The following GRXCR2 variants were observed in gnomAD, a reference collection of about 807,000 sequenced individuals.
GRXCR2 encodes the protein glutaredoxin domain-containing cysteine-rich protein 2.
A neutral mutation model predicts 24.8 loss-of-function variants in GRXCR2; 23 were observed. The observed-to-expected ratio is 0.93, with a 90% CI of 0.67 to 1.32. GRXCR2 has a LOEUF of 1.32. GRXCR2 is among the 40% of genes most tolerant of loss of function. The pLI is 0.00. For synonymous variants in GRXCR2, 130 were observed against 116.1 expected (o/e 1.12, Z -0.77); for missense variants, 315 against 303.4 (o/e 1.04, Z -0.28).
intron 1 of GRXCR2, among the ~76,000 whole-genome samples, chr5:145,868,252 C>T (rs1036986728): frequency 1.3e-5 from 2 of 152,164 alleles, no homozygotes; most frequent in Non-Finnish European, 2.9e-5. Flanking sequence ...CTACACAACT[C>T]AATACCTCAG....
At chr5:145,884,585 C>T (rs1002954050) in intron 2 of GRXCR2, among the ~76,000 whole-genome samples, 1 of 151,602 alleles carries the variant, frequency 6.6e-6, no homozygotes, top group Non-Finnish European at 1.5e-5. Flanking sequence ...AATATATATG[C>T]CTATATAATA....
chr5:145,901,471 G>T (rs1338763408), intron 2 of GRXCR2, among the ~76,000 whole-genome samples: 1 of 152,180 alleles, frequency 6.6e-6, no homozygotes, highest in African/African-American at 2.4e-5. Flanking sequence ...AATGGTAGGT[G>T]TTAGGAATAC....
In GRXCR2 at chr5:145,909,957, G is replaced by A. The variant is rs147719440; in HGVS notation, c.-70+25744C>T. Among the ~76,000 whole-genome samples the A allele has an allele frequency of 4.7e-4, 71 of 152,182 alleles. No individual in the cohort carries two copies. The East Asian group carries it at 0.012, about 26-fold the overall frequency. On this transcript the variant is annotated intron_variant, in intron 2 of 3. Transcript: ENST00000639411. ...CTAACAGGACAGTACGATCAGACAC[G>A]ATTTCTCCTCTCCTGAAGGCTGGTG...
intron 2 of GRXCR2, among the ~76,000 whole-genome samples, chr5:145,861,018 T>C (rs1167772509): frequency 1.3e-5 from 2 of 151,946 alleles, no homozygotes; most frequent in East Asian, 1.9e-4. Flanking sequence ...TTATAGACTA[T>C]GAACCTTCCC....
Position 145,870,888 on chromosome 5 carries a change from TG to T in GRXCR2, c.336+1744del, listed in dbSNP as rs374136567. Among the ~76,000 whole-genome samples the T allele has an allele frequency of 5.7e-4, 87 of 152,206 alleles. 3 individuals carry two copies. In the South Asian group the frequency reaches 0.017, roughly 30 times the overall value. ...GGCCTCTAAAACACATAGAGTACTGTGTTTTAACCAACTGAGCCATGCTGCC... is the reference window on the plus strand; with the variant it reads ...GGCCTCTAAAACACATAGAGTACTGTTTTTAACCAACTGAGCCATGCTGCC... On this transcript the variant is annotated intron_variant, in intron 1 of 2. Coordinates refer to ENST00000377976, the MANE Select transcript of GRXCR2 (RefSeq NM_001080516.2).
Position 145,911,824 on chromosome 5 carries a change from C to T in GRXCR2, c.-70+23877G>A, listed in dbSNP as rs575585394. Among the ~76,000 whole-genome samples the T allele has an allele frequency of 4.6e-5, 7 of 152,280 alleles. No individual in the cohort carries two copies. The South Asian group carries it at 1.2e-3, about 27-fold the overall frequency. ...GTTCATCTGACCAGGCGCTGTGGCT[C>T]ACACCTGTAATCCCAACAGTTTGGG... On this transcript the variant is annotated intron_variant, in intron 2 of 3. Coordinates refer to the GRXCR2 transcript ENST00000639411.
chr5:145,872,642 A>G lies in GRXCR2; in HGVS notation c.327T>C (p.Asn109=), dbSNP rs1470621649. The change falls in exon 1 of 3, where the codon AAT becomes AAC. Residue 109 remains asparagine, a synonymous_variant. Transcript: ENST00000377976. ...GQPRFNDYKA[N]DHKPLPIIDF... ...CATGCACAATACCAACCTTATGGTC[A>G]TTCGCCTTGTAATCGTTGAACCGAG... The G allele has an allele frequency of 2.5e-6, 4 of 1,599,798 alleles. No individual in the cohort carries two copies. Among genetic ancestry groups the G allele is most frequent in the Non-Finnish European group, 3.4e-6 (4 of 1,170,906 alleles).
chr5:145,858,824 GA>G lies in GRXCR2; in HGVS notation c.*908del, dbSNP rs1173304440. 1.3e-5 allele frequency: 2 copies of G among 152,160 alleles called. No individual in the cohort carries two copies. The highest frequency in any genetic ancestry group is 4.8e-5 in the African/African-American group (2 of 41,448). 9.4% of individuals were successfully genotyped at this position (152,160 alleles called of 1,614,324 possible). A position where few individuals can be genotyped will look rare whatever the true frequency, so the allele number is the denominator to read the frequency against. ...TTACTATGCATATTCATGGATAGTAGAAACATTACTGCTAAAAATCAGCCTT... is the reference window on the plus strand; with the variant it reads ...TTACTATGCATATTCATGGATAGTAGAACATTACTGCTAAAAATCAGCCTT... On this transcript the variant is annotated 3_prime_UTR_variant, in exon 3 of 3. Transcript: ENST00000377976.
At chr5:145,887,373 C>T (rs1312700057) in intron 2 of GRXCR2, among the ~76,000 whole-genome samples, 1 of 152,234 alleles carries the variant, frequency 6.6e-6, no homozygotes, top group Non-Finnish European at 1.5e-5. Context: ...TCGCTTATTA[C>T]TTGTCGCTAC....
intron 2 of GRXCR2, among the ~76,000 whole-genome samples, chr5:145,892,393 T>G (rs956989200): frequency 3.9e-5 from 6 of 151,986 alleles, no homozygotes; most frequent in Non-Finnish European, 7.4e-5. Context: ...GAAAAAAAAT[T>G]AGATGAATGG....
At chr5:145,890,212 C>A (rs1008198509) in intron 2 of GRXCR2, among the ~76,000 whole-genome samples, 1 of 152,182 alleles carries the variant, frequency 6.6e-6, no homozygotes, top group Non-Finnish European at 1.5e-5. Flanking sequence ...CCCTCAACCT[C>A]CTGAATACCT....
chr5:145,891,003 C>T (rs1756856072), intron 2 of GRXCR2, among the ~76,000 whole-genome samples: 1 of 152,082 alleles, frequency 6.6e-6, no homozygotes, highest in South Asian at 2.1e-4. Context: ...AGACTTTAAA[C>T]CAACAACAGT....
rs779391355 is a variant in GRXCR2 at position 145,904,235 on chromosome 5, C to T, written c.-70+31466G>A. Among the ~76,000 whole-genome samples, 54 of 152,290 alleles carry T rather than the reference C, an allele frequency of 3.5e-4. 1 individual carries two copies. Among genetic ancestry groups the T allele is most frequent in the Admixed American group, 6.5e-4 (10 of 15,294 alleles). The stretch of plus-strand genomic sequence containing the variant: ...TAGGAAACACACAAATGTTCACACA[C>T]GTACATCCTCACACCCCACCTCCAC... On this transcript the variant is annotated intron_variant, in intron 2 of 3. Transcript: ENST00000639411.
chr5:145,891,733 T>C (rs1756867359), intron 2 of GRXCR2, among the ~76,000 whole-genome samples: 6 of 152,124 alleles, frequency 3.9e-5, no homozygotes. Context: ...CAAAAGGCAG[T>C]AGACACCTCT....
intron 2 of GRXCR2, among the ~76,000 whole-genome samples, chr5:145,888,017 T>C (rs1357606438): frequency 6.6e-6 from 1 of 152,236 alleles, no homozygotes; most frequent in Non-Finnish European, 1.5e-5. Flanking sequence ...TTTTTAAAGT[T>C]ATATTTGCAG....
chr5:145,895,959 G>A (rs923829566), intron 2 of GRXCR2, among the ~76,000 whole-genome samples: 2 of 152,108 alleles, frequency 1.3e-5, no homozygotes, highest in Non-Finnish European at 2.9e-5. Flanking sequence ...ACAGAACAGA[G>A]CCCTCAGAAA....
chr5:145,885,805 G>T lies in GRXCR2; in HGVS notation c.-69-19077C>A, dbSNP rs558304255. On this transcript the variant is annotated intron_variant, in intron 2 of 3. Coordinates refer to the GRXCR2 transcript ENST00000639411. ...AGTCTAGGAGATGCTGTTCTGAAAG[G>T]CTTCCCTCTTTAAAAATTCCCTCCA... Among the ~76,000 whole-genome samples, 7 of 152,226 alleles carry T rather than the reference G, an allele frequency of 4.6e-5. No homozygotes were observed. In the South Asian group the frequency reaches 1.0e-3, roughly 23 times the overall value.
intron 2 of GRXCR2, among the ~76,000 whole-genome samples, chr5:145,931,367 T>C (rs1233733741): frequency 1.3e-5 from 2 of 152,112 alleles, no homozygotes; most frequent in African/African-American, 4.8e-5. Flanking sequence ...TCCAACTGTT[T>C]CCTATTAAAT....
chr5:145,895,459 G>C, intron 2 of GRXCR2, among the ~76,000 whole-genome samples: 1 of 152,090 alleles, frequency 6.6e-6, no homozygotes, highest in Non-Finnish European at 1.5e-5. Context: ...AAATCAATAT[G>C]CAAAAATCAC....
Sources: allele counts gnomAD v4.1 joint callset (sites outside exome capture counted in the v4.1 genomes callset), GRCh38; gene constraint gnomAD v4.1.1; transcripts MANE v1.5; gene names NCBI Gene and HGNC (gene_info 2026-07-23, HGNC 2026-07-21).